Variants in ATP11B observed in about 807,000 individuals in gnomAD.
ATP11B encodes phospholipid-transporting ATPase IF.
In ATP11B, 81 loss-of-function variants were observed where a neutral mutation model predicts 157.8. The observed-to-expected ratio is 0.51, with a 90% confidence interval of 0.43 to 0.62. The LOEUF is 0.62. ATP11B is among the 20% of genes least tolerant of loss of function. The pLI is 0.00. For synonymous variants in ATP11B, 451 were observed against 469.4 expected, an observed-to-expected ratio of 0.96 and a Z score of 0.51; for missense variants, 1,165 against 1,402.2, an observed-to-expected ratio of 0.83 and a Z score of 2.70.
intron 19 of ATP11B, among the ~76,000 whole-genome samples, chr3:182,875,376 C>T (rs1234202688): frequency 6.6e-6 from 1 of 152,112 alleles, no homozygotes; most frequent in Non-Finnish European, 1.5e-5. Flanking sequence ...CTTTTTAAAA[C>T]CTATTTAAGA....
At chr3:182,845,579 G>C in intron 9 of ATP11B, 57 bp downstream of exon 9, 5 of 1,146,874 alleles carry the variant, frequency 4.4e-6, no homozygotes, top group Non-Finnish European at 6.1e-6. Context: ...TTTATATGAA[G>C]TACTTTTAAA....
intron 25 of ATP11B, among the ~76,000 whole-genome samples, chr3:182,893,860 T>A (rs909653869): frequency 2.0e-5 from 3 of 152,214 alleles, no homozygotes; most frequent in African/African-American, 7.2e-5. Context: ...TCTATTTTTT[T>A]ATGTTTTTAT....
At chr3:182,852,721 A>G (rs1720076789) in intron 10 of ATP11B, among the ~76,000 whole-genome samples, 2 of 152,248 alleles carry the variant, frequency 1.3e-5, no homozygotes, top group South Asian at 4.1e-4. Flanking sequence ...CTCAAAGTGT[A>G]AGATCTAAGC....
At chr3:182,826,905 G>A (rs1470841415) in intron 2 of ATP11B, among the ~76,000 whole-genome samples, 1 of 152,094 alleles carries the variant, frequency 6.6e-6, no homozygotes, top group Non-Finnish European at 1.5e-5. Flanking sequence ...ATGACACTAG[G>A]TAACGTAAAG....
chr3:182,881,945 T>C (rs567010619), intron 21 of ATP11B, among the ~76,000 whole-genome samples: 28 of 152,330 alleles, frequency 1.8e-4, no homozygotes, highest in African/African-American at 6.0e-4. Context: ...CTTATTCTTT[T>C]CTATTTTTGC....
chr3:182,837,222 C>A, intron 7 of ATP11B, 48 bp downstream of exon 7: 3 of 1,296,668 alleles, frequency 2.3e-6, no homozygotes, highest in Non-Finnish European at 2.2e-6. Context: ...ATTTACAGAC[C>A]TCATTTTTAA....
chr3:182,877,443 A>G (rs1422214277), intron 19 of ATP11B, among the ~76,000 whole-genome samples: 1 of 152,216 alleles, frequency 6.6e-6, no homozygotes, highest in African/African-American at 2.4e-5. Context: ...GAAGTTCAAG[A>G]CCAGCCTGGG....
chr3:182,914,367 T>C, intron 29 of ATP11B: 12 of 985,828 alleles, frequency 1.2e-5, no homozygotes, highest in Non-Finnish European at 1.4e-5. Flanking sequence ...TTTTTTTGCT[T>C]TTTGTCTTTA....
intron 28 of ATP11B, among the ~76,000 whole-genome samples, chr3:182,903,360 A>G (rs915700534): frequency 1.3e-5 from 2 of 152,090 alleles, no homozygotes; most frequent in African/African-American, 2.4e-5. Context: ...CAAGGTTTCT[A>G]ATCTTTCTCT....
chr3:182,806,279 T>A (rs1408631620), intron 1 of ATP11B, among the ~76,000 whole-genome samples: 2 of 152,220 alleles, frequency 1.3e-5, no homozygotes, highest in African/African-American at 4.8e-5. Flanking sequence ...TTTCACATTA[T>A]TTTTAAGATT....
chr3:182,799,600 TA>T (rs1715855436), intron 1 of ATP11B, among the ~76,000 whole-genome samples: 1 of 152,184 alleles, frequency 6.6e-6, no homozygotes, highest in Non-Finnish European at 1.5e-5. Flanking sequence ...CTAAGCAAGA[TA>T]ATATTCATAA....
intron 1 of ATP11B, among the ~76,000 whole-genome samples, chr3:182,802,894 G>T (rs1305163290): frequency 6.6e-6 from 1 of 152,074 alleles, no homozygotes; most frequent in Non-Finnish European, 1.5e-5. Context: ...TTGATGAATT[G>T]AGTCATTTTC....
intron 29 of ATP11B, 170 bp downstream of exon 29, chr3:182,914,164 G>T (rs1189723148): frequency 7.0e-7 from 1 of 1,423,496 alleles, no homozygotes; most frequent in East Asian, 2.6e-5. Flanking sequence ...TGTGGCTTTG[G>T]GGTAAGGGCT....
At chr3:182,896,840 T>C (rs1338628997) in intron 26 of ATP11B, 75 bp downstream of exon 26, 9 of 1,019,068 alleles carry the variant, frequency 8.8e-6, no homozygotes, top group Non-Finnish European at 1.3e-5. Context: ...TTCATTTCTT[T>C]AGCCATAGAT....
At chr3:182,892,170 C>T (rs1723219152) in intron 25 of ATP11B, among the ~76,000 whole-genome samples, 1 of 152,126 alleles carries the variant, frequency 6.6e-6, no homozygotes, top group African/African-American at 2.4e-5. Context: ...CTTATGTTCC[C>T]TCTCTAGAAT....
chr3:182,897,413 G>T lies in ATP11B; in HGVS notation c.3152+7G>T. 6.7e-7 allele frequency: 1 copy of T among 1,496,962 alleles called. No individual in the cohort carries two copies. Among genetic ancestry groups the T allele is most frequent in the South Asian group, 1.2e-5 (1 of 81,062 alleles). The allele number at this position is 1,496,962 out of a possible 1,614,324, so 92.7% of individuals were successfully genotyped here. A position where few individuals can be genotyped will look rare whatever the true frequency, so the allele number is the denominator to read the frequency against. On this transcript the variant is annotated splice_region_variant and intron_variant, in intron 27 of 29. Transcript: ENST00000323116. Reference sequence around the variant, plus strand: ...TTTATGGAGGGATTCTCTGGTGAGTGAATATATTGTATTTTAATTGGATTG... The same window carrying T: ...TTTATGGAGGGATTCTCTGGTGAGTTAATATATTGTATTTTAATTGGATTG...
At position 182,866,351 on chromosome 3, in the gene ATP11B, T is replaced by C. The variant is rs1721229995; in HGVS notation, c.1527T>C (p.Gly509=). The change falls in exon 14 of 30, where the codon GGT becomes GGC. Residue 509 remains glycine, a synonymous_variant. Coordinates refer to ENST00000323116, the MANE Select transcript of ATP11B (RefSeq NM_014616.3). ...QISNVQTDCT[G]DGPWQSNLAP... Reference sequence around the variant, plus strand: ...GCAATGTTCAAACTGACTGCACTGGTGATGGTCCCTGGCAATCCAACCTGG... The same window carrying C: ...GCAATGTTCAAACTGACTGCACTGGCGATGGTCCCTGGCAATCCAACCTGG... The C allele has an allele frequency of 6.2e-7, 1 of 1,614,028 alleles. No individual in the cohort carries two copies.
intron 13 of ATP11B, among the ~76,000 whole-genome samples, 198 bp from the exon 14 acceptor site, chr3:182,866,070 T>G (rs539062201): frequency 6.6e-6 from 1 of 152,296 alleles, no homozygotes; most frequent in South Asian, 2.1e-4. Flanking sequence ...TGGTTGTACC[T>G]CCTAAAAAGA....
chr3:182,915,363 A>T, intron 29 of ATP11B: 6 of 985,382 alleles, frequency 6.1e-6, no homozygotes, highest in Non-Finnish European at 7.2e-6. Context: ...ACGTAGAAGG[A>T]TGAGCACTTA....
Sources: gnomAD v4.1 joint callset for allele counts (sites outside exome capture counted in the v4.1 genomes callset) on GRCh38, gnomAD v4.1.1 for gene constraint, MANE v1.5 for transcripts, NCBI Gene and HGNC (gene_info 2026-07-23, HGNC 2026-07-21) for gene names.